Variants in SCARA3 observed in about 807,000 individuals in gnomAD.
SCARA3 encodes the protein scavenger receptor class A member 3, also known as cellular stress response gene protein.
SCARA3 carries 39 observed loss-of-function variants against 47.0 expected under a neutral mutation model. The observed-to-expected ratio is 0.83, with a 90% CI of 0.64 to 1.08. The LOEUF (loss-of-function observed/expected upper bound fraction) is 1.08, where lower values mean the gene tolerates loss of function less well. SCARA3 is among the 50% of genes least tolerant of loss of function. The pLI is 0.00. For missense variants in SCARA3, 724 were observed against 792.3 expected (o/e 0.91, Z 1.04); for synonymous variants, 356 against 334.1 (o/e 1.07, Z -0.71).
At position 27,660,618 on chromosome 8, in the gene SCARA3, TGATA is replaced by T. The variant is rs10674215; in HGVS notation, c.1369+1115_1369+1118del. 7.7e-3 allele frequency among the ~76,000 whole-genome samples: 1,013 copies of T among 130,980 alleles called. 16 individuals are homozygous for T. The highest frequency in any genetic ancestry group is 0.048 in the Middle Eastern group (8 of 166). The allele number at this position is 130,980 out of a possible 152,430, so 85.9% of individuals were successfully genotyped here. On this transcript the variant is annotated intron_variant, in intron 5 of 5. Coordinates refer to ENST00000301904, the MANE Select transcript of SCARA3 (RefSeq NM_016240.3). The stretch of plus-strand genomic sequence containing the variant: ...AAGCAATCAATAGCATAGAGATAGA[TGATA>T]GATAGATAGATAGATAGATAGATAG...
At chr8:27,654,954 T>C (rs1390580669) in intron 3 of SCARA3, among the ~76,000 whole-genome samples, 5 of 152,218 alleles carry the variant, frequency 3.3e-5, no homozygotes, top group Non-Finnish European at 1.5e-5. Flanking sequence ...CATCTATGCA[T>C]GAAATCTTAA....
At chr8:27,642,044 G>A (rs1801393450) in intron 1 of SCARA3, among the ~76,000 whole-genome samples, 1 of 152,180 alleles carries the variant, frequency 6.6e-6, no homozygotes, top group African/African-American at 2.4e-5. Flanking sequence ...AGATTTAAAT[G>A]GGCTTATTAT....
the SCARA3 span, among the ~76,000 whole-genome samples, chr8:27,683,956 A>C: frequency 6.6e-6 from 1 of 152,212 alleles, no homozygotes. Flanking sequence ...AGAGAATCGT[A>C]TAGTATGATT....
chr8:27,694,828 C>A, the SCARA3 span, among the ~76,000 whole-genome samples: 27 of 152,070 alleles, frequency 1.8e-4, no homozygotes, highest in Non-Finnish European at 3.2e-4. Context: ...GGAGATGACC[C>A]CTTGCTGAGC....
intron 1 of SCARA3, among the ~76,000 whole-genome samples, chr8:27,636,476 A>G (rs1435107899): frequency 6.6e-6 from 1 of 152,178 alleles, no homozygotes; most frequent in Non-Finnish European, 1.5e-5. Flanking sequence ...GCAGGGCCAA[A>G]ATCCTGTGAA....
chr8:27,711,980 CA>C, the SCARA3 span, among the ~76,000 whole-genome samples: 1 of 152,118 alleles, frequency 6.6e-6, no homozygotes, highest in South Asian at 2.1e-4. Context: ...TAAGTTTGGG[CA>C]AACGTATAAT....
chr8:27,730,108 C>T, the SCARA3 span, among the ~76,000 whole-genome samples: 1 of 152,178 alleles, frequency 6.6e-6, no homozygotes, highest in African/African-American at 2.4e-5. Context: ...TTCTGCCCCA[C>T]CCTCAAGCAC....
downstream of SCARA3, among the ~76,000 whole-genome samples, chr8:27,679,174 T>G (rs1181004562): frequency 6.6e-6 from 1 of 150,824 alleles, no homozygotes; most frequent in East Asian, 1.9e-4. Context: ...TTCTTCATAG[T>G]GTCACATTTA....
At chr8:27,673,526 T>C (rs943671867), downstream of SCARA3, among the ~76,000 whole-genome samples, 2 of 152,124 alleles carry the variant, frequency 1.3e-5, no homozygotes, top group Admixed American at 6.5e-5. Flanking sequence ...TGGAGCCCTG[T>C]TTTTTGGGTT....
At position 27,671,629 on chromosome 8, in the gene SCARA3, G is replaced by C; in HGVS notation, c.*278G>C. The C allele has an allele frequency of 8.7e-7, 1 of 1,156,028 alleles. No individual in the cohort carries two copies. The highest frequency in any genetic ancestry group is 1.1e-6 in the Non-Finnish European group (1 of 933,696). 71.6% of individuals were successfully genotyped at this position (1,156,028 alleles called of 1,614,324 possible). On this transcript the variant is annotated 3_prime_UTR_variant, in exon 6 of 6. Coordinates refer to ENST00000301904, the MANE Select transcript of SCARA3 (RefSeq NM_016240.3). Reference sequence around the variant, plus strand: ...ATACACATGCATGCACACATACACAGGCATACATGCATGCACACACACATG... The same window carrying C: ...ATACACATGCATGCACACATACACACGCATACATGCATGCACACACACATG...
At chr8:27,681,941 T>G in the SCARA3 span, among the ~76,000 whole-genome samples, 1 of 151,808 alleles carries the variant, frequency 6.6e-6, no homozygotes, top group Admixed American at 6.6e-5. Flanking sequence ...CGATAAAATG[T>G]ACATGAAAAT....
At position 27,672,259 on chromosome 8, in the gene SCARA3, C is replaced by A. The variant is rs891191423; in HGVS notation, c.*908C>A. 2 of 985,426 alleles carry A rather than the reference C, an allele frequency of 2.0e-6. No individual in the cohort carries two copies. The highest frequency in any genetic ancestry group is 3.5e-5 in the African/African-American group (2 of 57,252). 61.0% of individuals were successfully genotyped at this position (985,426 alleles called of 1,614,324 possible). A position where few individuals can be genotyped will look rare whatever the true frequency, so the allele number is the denominator to read the frequency against. On this transcript the variant is annotated 3_prime_UTR_variant, in exon 6 of 6. Coordinates refer to ENST00000301904, the MANE Select transcript of SCARA3 (RefSeq NM_016240.3). ...CAGAAAATTCCTCAATTCATCCTTG[C>A]CTCTGCCCTTCAGGAGCAGCCTGGA...
chr8:27,685,681 A>G, the SCARA3 span, among the ~76,000 whole-genome samples: 1 of 152,210 alleles, frequency 6.6e-6, no homozygotes, highest in Non-Finnish European at 1.5e-5. Context: ...ACCAGACATG[A>G]CCTGCCCCCG....
the SCARA3 span, among the ~76,000 whole-genome samples, chr8:27,723,814 C>G: frequency 6.6e-6 from 1 of 152,254 alleles, no homozygotes; most frequent in Non-Finnish European, 1.5e-5. Flanking sequence ...CAGCTCACTG[C>G]AACCTCTGCC....
At chr8:27,696,087 G>A in the SCARA3 span, among the ~76,000 whole-genome samples, 1 of 151,094 alleles carries the variant, frequency 6.6e-6, no homozygotes, top group Admixed American at 6.6e-5. Context: ...ATAGCTCACT[G>A]TGGCCTTGAA....
At position 27,651,557 on chromosome 8, in the gene SCARA3, CA is replaced by C. The variant is rs1244462723; in HGVS notation, c.157del (p.Thr53HisfsTer37). 1 of 1,614,070 alleles carries C rather than the reference CA, an allele frequency of 6.2e-7. No homozygotes were observed. Among genetic ancestry groups the C allele is most frequent in the South Asian group, 1.1e-5 (1 of 91,084 alleles). ...SRCQKNLSLH[T>X]SVRILYLFLA... ...GCTGCCAGAAGAACCTATCTTTGCACACATCGGTGCGGATTCTTTACCTCTT... is the reference window on the plus strand; with the variant it reads ...GCTGCCAGAAGAACCTATCTTTGCACCATCGGTGCGGATTCTTTACCTCTT... On this transcript the variant is annotated frameshift_variant, in exon 3 of 6. Transcript: ENST00000301904. LOFTEE classifies it high-confidence loss of function.
the SCARA3 span, among the ~76,000 whole-genome samples, chr8:27,730,395 C>G: frequency 8.9e-4 from 136 of 152,268 alleles, 1 homozygote; most frequent in South Asian, 1.0e-3. Flanking sequence ...GCCCCTCCCC[C>G]TTCCCTGTAG....
chr8:27,704,439 C>T, the SCARA3 span, among the ~76,000 whole-genome samples: 1 of 152,024 alleles, frequency 6.6e-6, no homozygotes, highest in African/African-American at 2.4e-5. Context: ...GAGCAATACC[C>T]CACCTCAAAA....
the SCARA3 span, among the ~76,000 whole-genome samples, chr8:27,699,615 G>A: frequency 1.3e-5 from 2 of 152,050 alleles, no homozygotes; most frequent in Admixed American, 1.3e-4. Context: ...CAGTTGGAGG[G>A]CCTATACTAC....
Sources: gnomAD v4.1 joint callset for allele counts (sites outside exome capture counted in the v4.1 genomes callset) on GRCh38, gnomAD v4.1.1 for gene constraint, MANE v1.5 for transcripts, NCBI Gene and HGNC (gene_info 2026-07-23, HGNC 2026-07-21) for gene names.